The following LMTK3 variants were observed in gnomAD, a reference collection of about 807,000 sequenced individuals.
The protein encoded by LMTK3 is serine/threonine-protein kinase LMTK3.
A neutral mutation model predicts 116.7 loss-of-function variants in LMTK3; 27 were observed. That is an observed-to-expected ratio of 0.23 (90% CI 0.17 to 0.32). The LOEUF is 0.32. LMTK3 is among the 10% of genes least tolerant of loss of function. The pLI is 1.00. For synonymous variants in LMTK3, 965 were observed against 971.0 expected (o/e 0.99, Z 0.11); for missense variants, 1,764 against 2,068.5 (o/e 0.85, Z 2.86).
chr19:48,502,190 C>G (rs1416872838), intron 7 of LMTK3, among the ~76,000 whole-genome samples: 1 of 145,286 alleles, frequency 6.9e-6, no homozygotes, highest in East Asian at 2.0e-4. Context: ...TCTCCTGACC[C>G]CTTTTCCTCT....
rs908631108 is a variant in LMTK3 at position 48,485,497 on chromosome 19, C to T, written c.*276G>A. On this transcript the variant is annotated 3_prime_UTR_variant, in exon 15 of 15. Coordinates refer to ENST00000600059, the MANE Select transcript of LMTK3 (RefSeq NM_001388485.1). ...GGCCCAAAAGAGTTCAGTTCAGTTCCGAGAAAGGCGGCTCTCTATGGAGGG... is the reference window on the plus strand; with the variant it reads ...GGCCCAAAAGAGTTCAGTTCAGTTCTGAGAAAGGCGGCTCTCTATGGAGGG... 7 of 476,692 alleles carry T rather than the reference C, an allele frequency of 1.5e-5. No homozygotes were observed. The highest frequency in any genetic ancestry group is 3.7e-5 in the Admixed American group (1 of 27,156). The allele number at this position is 476,692 out of a possible 1,614,324, so 29.5% of individuals were successfully genotyped here.
chr19:48,491,019 G>A lies in LMTK3; in HGVS notation c.4366+89C>T. The A allele has an allele frequency of 1.2e-6, 1 of 812,370 alleles. No homozygotes were observed. The allele number at this position is 812,370 out of a possible 1,614,324, so 50.3% of individuals were successfully genotyped here. On this transcript the variant is annotated intron_variant, in intron 14 of 14. Coordinates refer to ENST00000600059, the MANE Select transcript of LMTK3 (RefSeq NM_001388485.1). The surrounding 1 kb of genome is among the most constrained non-coding windows in gnomAD (Gnocchi z 5.1). ...AAGAGACTGGGAAGAGAGAGGCAGG[G>A]ACATTGAAAGATGGTCACAAGAAGT...
At chr19:48,513,035 T>G, upstream of LMTK3, 1 of 919,036 alleles carries the variant, frequency 1.1e-6, no homozygotes, top group African/African-American at 1.6e-5. This position sits in a 1 kb window ranked among gnomAD's most constrained non-coding sequence, Gnocchi z 5.6. Flanking sequence ...CAGTCACACA[T>G]CACATACATA....
At position 48,499,347 on chromosome 19, in the gene LMTK3, G is replaced by T. The variant is rs1972414049; in HGVS notation, c.1722C>A (p.Ser574=). ...VPAPQAPQAP[S]EVPQLVSETW... is the part of the protein sequence containing the mutation. Reference sequence around the variant, plus strand: ...TCTCGGACACCAGCTGGGGGACCTCGGAGGGGGCCTGGGGGGCCTGAGGGG... The same window carrying T: ...TCTCGGACACCAGCTGGGGGACCTCTGAGGGGGCCTGGGGGGCCTGAGGGG... Residue 574 remains serine (S), a synonymous_variant, in exon 11 of 15, where the codon TCC becomes TCA. Coordinates refer to ENST00000600059, the MANE Select transcript of LMTK3 (RefSeq NM_001388485.1). 2.1e-6 allele frequency: 3 copies of T among 1,422,742 alleles called. No homozygotes were observed. Among genetic ancestry groups the T allele is most frequent in the South Asian group, 1.5e-5 (1 of 64,866 alleles). 88.1% of individuals were successfully genotyped at this position (1,422,742 alleles called of 1,614,324 possible).
chr19:48,499,344 C>T lies in LMTK3; in HGVS notation c.1725G>A (p.Glu575=). Residue 575 remains glutamate, a synonymous_variant, in exon 11 of 15, where the codon GAG becomes GAA. Transcript: ENST00000600059. ...PAPQAPQAPS[E]VPQLVSETWA... Reference sequence around the variant, plus strand: ...AGGTCTCGGACACCAGCTGGGGGACCTCGGAGGGGGCCTGGGGGGCCTGAG... The same window carrying T: ...AGGTCTCGGACACCAGCTGGGGGACTTCGGAGGGGGCCTGGGGGGCCTGAG... The T allele has an allele frequency of 7.0e-7, 1 of 1,419,332 alleles. No individual in the cohort carries two copies. 87.9% of individuals were successfully genotyped at this position (1,419,332 alleles called of 1,614,324 possible).
At position 48,497,795 on chromosome 19, in the gene LMTK3, C is replaced by T; in HGVS notation, c.3274G>A (p.Ala1092Thr). The change falls in exon 11 of 15, where the codon GCC becomes ACC. Residue 1092 changes from alanine to threonine, a missense_variant. Coordinates refer to ENST00000600059, the MANE Select transcript of LMTK3 (RefSeq NM_001388485.1). The surrounding 1 kb of genome is among the most constrained non-coding windows in gnomAD (Gnocchi z 5.7). ...GTLEPGTERR[A>T]PETGGAPRAP... ...CTCGGCGCCCCCCCAGTCTCGGGGGCTCTCCTCTCGGTCCCGGGTTCCAGC... is the reference window on the plus strand; with the variant it reads ...CTCGGCGCCCCCCCAGTCTCGGGGGTTCTCCTCTCGGTCCCGGGTTCCAGC... 2 of 1,377,294 alleles carry T rather than the reference C, an allele frequency of 1.5e-6. No individual in the cohort carries two copies. The highest frequency in any genetic ancestry group is 1.9e-6 in the Non-Finnish European group (2 of 1,071,380). 85.3% of individuals were successfully genotyped at this position (1,377,294 alleles called of 1,614,324 possible).
rs1211732660 is a variant in LMTK3, at chr19:48,499,346, C to T, written c.1723G>A (p.Glu575Lys). ...PAPQAPQAPSEVPQLVSETWA... is the reference protein window; with the variant it reads ...PAPQAPQAPSKVPQLVSETWA... ...GTCTCGGACACCAGCTGGGGGACCT[C>T]GGAGGGGGCCTGGGGGGCCTGAGGG... Residue 575 changes from glutamate (E) to lysine (K), a missense_variant, in exon 11 of 15, where the codon GAG becomes AAG. This residue lies in a region of LMTK3 where 1,028 missense variants were observed against 1,050.6 expected (regional missense o/e 0.98). Transcript: ENST00000600059. 6 of 1,406,426 alleles carry T rather than the reference C, an allele frequency of 4.3e-6. No homozygotes were observed. The highest frequency in any genetic ancestry group is 6.1e-5 in the Admixed American group (2 of 32,804). 87.1% of individuals were successfully genotyped at this position (1,406,426 alleles called of 1,614,324 possible).
Position 48,493,962 on chromosome 19 carries a change from TCCGCCGGCCCCGGCGCTCCCGCC to T in LMTK3, c.3801_3823del (p.Ala1268GlyfsTer264). On this transcript the variant is annotated frameshift_variant, in exon 12 of 15. Coordinates refer to ENST00000600059, the MANE Select transcript of LMTK3 (RefSeq NM_001388485.1). LOFTEE classifies it high-confidence loss of function. ...CTCGTCCTCGTCCTCCCCGTCCTCC[TCCGCCGGCCCCGGCGCTCCCGCC>T]CCGCCGGCCTCCCCGCCAGCCGCCC... is the stretch of plus-strand genomic sequence containing the variant. 1 of 1,041,496 alleles carries T rather than the reference TCCGCCGGCCCCGGCGCTCCCGCC, an allele frequency of 9.6e-7. No homozygotes were observed. Among genetic ancestry groups the T allele is most frequent in the Non-Finnish European group, 1.1e-6 (1 of 870,204 alleles). The allele number at this position is 1,041,496 out of a possible 1,614,324, so 64.5% of individuals were successfully genotyped here.
chr19:48,493,663 C>A lies in LMTK3; in HGVS notation c.4092+31G>T, dbSNP rs763957528. 1.9e-6 allele frequency: 3 copies of A among 1,544,290 alleles called. No homozygotes were observed. In the South Asian group the frequency reaches 3.6e-5, roughly 18 times the overall value. On this transcript the variant is annotated intron_variant, in intron 12 of 14. Coordinates refer to ENST00000600059, the MANE Select transcript of LMTK3 (RefSeq NM_001388485.1). The stretch of plus-strand genomic sequence containing the variant: ...GGCTCCTGCTCCCTCCAGGCCGCGA[C>A]CCCGAAACCGCGCCCTCTCGGGTTC...
chr19:48,485,579 A>C lies in LMTK3; in HGVS notation c.*194T>G. 1 of 451,520 alleles carries C rather than the reference A, an allele frequency of 2.2e-6. No individual in the cohort carries two copies. The highest frequency in any genetic ancestry group is 3.7e-6 in the Non-Finnish European group (1 of 272,562). The allele number at this position is 451,520 out of a possible 1,614,324, so 28.0% of individuals were successfully genotyped here. On this transcript the variant is annotated 3_prime_UTR_variant, in exon 15 of 15. Coordinates refer to ENST00000600059, the MANE Select transcript of LMTK3 (RefSeq NM_001388485.1). Reference sequence around the variant, plus strand: ...GGGGGTCAGGGGGGTCAGGGGAGCCATCTGGGGGGCTGGGGGGCGGGGGCC... The same window carrying C: ...GGGGGTCAGGGGGGTCAGGGGAGCCCTCTGGGGGGCTGGGGGGCGGGGGCC...
chr19:48,510,234 CT>C, intron 2 of LMTK3, 61 bp from the exon 3 acceptor site: 1 of 1,558,622 alleles, frequency 6.4e-7, no homozygotes, highest in Non-Finnish European at 8.8e-7. Context: ...ACGCCATCGT[CT>C]TTCTCTTAAG....
At chr19:48,496,190 ATC>A (rs1314889570) in intron 11 of LMTK3, among the ~76,000 whole-genome samples, 1 of 152,156 alleles carries the variant, frequency 6.6e-6, no homozygotes, top group Non-Finnish European at 1.5e-5. Context: ...GCTCACTGCA[ATC>A]TCTGACTCAC....
At chr19:48,507,608 TA>T (rs35968878) in intron 5 of LMTK3, among the ~76,000 whole-genome samples, 1 of 146,272 alleles carries the variant, frequency 6.8e-6, no homozygotes, top group African/African-American at 2.5e-5. Context: ...GCTTACATTT[TA>T]TTTATTTATT....
intron 14 of LMTK3, among the ~76,000 whole-genome samples, chr19:48,488,107 T>C (rs1315667859): frequency 6.6e-6 from 1 of 152,088 alleles, no homozygotes; most frequent in Non-Finnish European, 1.5e-5. Flanking sequence ...CCTCTCCTGG[T>C]GATTAAAGGT....
At chr19:48,508,766 T>C in intron 5 of LMTK3, 85 bp downstream of exon 5, 1 of 1,039,638 alleles carries the variant, frequency 9.6e-7, no homozygotes, top group Non-Finnish European at 1.5e-6. Context: ...AAGAGGTAGA[T>C]TCCAGGTGTG....
chr19:48,513,157 G>A (rs1016777868), upstream of LMTK3: 22 of 1,603,260 alleles, frequency 1.4e-5, no homozygotes, highest in Non-Finnish European at 1.7e-5. The surrounding 1 kb of genome is among the most constrained non-coding windows in gnomAD (Gnocchi z 5.6). Flanking sequence ...GTGCGGTTAC[G>A]CAGACATTAC....
chr19:48,500,921 G>A lies in LMTK3; in HGVS notation c.1151+75C>T. On this transcript the variant is annotated intron_variant, in intron 10 of 14. Coordinates refer to ENST00000600059, the MANE Select transcript of LMTK3 (RefSeq NM_001388485.1). The surrounding 1 kb of genome is among the most constrained non-coding windows in gnomAD (Gnocchi z 4.0). ...GGCAAACGGGATGTGGGTGATGTGG[G>A]AAACGAGGGGGGATGCTGGGACCAT... 3 of 1,396,188 alleles carry A rather than the reference G, an allele frequency of 2.1e-6. No individual in the cohort carries two copies. Among genetic ancestry groups the A allele is most frequent in the Non-Finnish European group, 2.8e-6 (3 of 1,054,008 alleles). The allele number at this position is 1,396,188 out of a possible 1,614,324, so 86.5% of individuals were successfully genotyped here.
Position 48,493,989 on chromosome 19 carries a change from C to G in LMTK3, c.3797G>C (p.Gly1266Ala). Residue 1266 changes from glycine (G) to alanine (A), a missense_variant, in exon 12 of 15, where the codon GGC (glycine) becomes GCC (alanine). This residue lies in a region of LMTK3 where 281 missense variants were observed against 301.4 expected (regional missense o/e 0.93). Transcript: ENST00000600059. ...ADAGAAGGEA[G>A]GAGAPGPAEE... The stretch of plus-strand genomic sequence containing the variant: ...CGCCGGCCCCGGCGCTCCCGCCCCG[C>G]CGGCCTCCCCGCCAGCCGCCCCGGC... The G allele has an allele frequency of 9.4e-7, 1 of 1,067,254 alleles. No homozygotes were observed. 66.1% of individuals were successfully genotyped at this position (1,067,254 alleles called of 1,614,324 possible).
Position 48,500,115 on chromosome 19 carries a change from A to G in LMTK3, c.1152-198T>C, listed in dbSNP as rs1304867538. On this transcript the variant is annotated intron_variant, in intron 10 of 14. Transcript: ENST00000600059. This position sits in a 1 kb window ranked among gnomAD's most constrained non-coding sequence, Gnocchi z 4.0. ...GACAGAGATCCAGAGACAGAGGGAC[A>G]GAGACCCAGAGAGAGAGGGACAGAG... 6.6e-6 allele frequency among the ~76,000 whole-genome samples: 1 copy of G among 151,806 alleles called. No homozygotes were observed. Among genetic ancestry groups the G allele is most frequent in the African/African-American group, 2.4e-5 (1 of 41,268 alleles).
Sources: gnomAD v4.1 joint callset for allele counts (sites outside exome capture counted in the v4.1 genomes callset) on GRCh38, gnomAD v4.1.1 for gene constraint, gnomAD v4.1.1 regional missense constraint, Gnocchi (gnomAD v3.1) non-coding constraint, MANE v1.5 for transcripts, NCBI Gene and HGNC (gene_info 2026-07-23, HGNC 2026-07-21) for gene names.